ROBO1: variants seen among roughly 807,000 people sequenced by gnomAD.
The protein encoded by ROBO1 is roundabout guidance receptor 1.
A neutral mutation model predicts 195.9 loss-of-function variants in ROBO1; 149 were observed. That is an observed-to-expected ratio of 0.76 (90% CI 0.67 to 0.87). The LOEUF (loss-of-function observed/expected upper bound fraction) is 0.87. Ranked by LOEUF, ROBO1 falls within the 40% of genes least tolerant of loss-of-function variation. The probability of loss-of-function intolerance (pLI) is 0.00; values close to 1 mark genes in which losing one functional copy is unlikely to be tolerated. For synonymous variants in ROBO1, 816 were observed against 733.2 expected (o/e 1.11, Z -1.82); for missense variants, 1,933 against 2,068.3 (o/e 0.93, Z 1.27).
chr3:78,988,019 AC>A (rs1195595224), intron 3 of ROBO1, among the ~76,000 whole-genome samples: 1 of 152,176 alleles, frequency 6.6e-6, no homozygotes, highest in African/African-American at 2.4e-5. Context: ...TGTTTTCTAC[AC>A]GCAATGTATA....
At chr3:78,636,829 A>C (rs1705530127) in intron 22 of ROBO1, among the ~76,000 whole-genome samples, 1 of 150,442 alleles carries the variant, frequency 6.6e-6, no homozygotes, top group African/African-American at 2.4e-5. Flanking sequence ...ATAAGCCTGA[A>C]ATAATACTTA....
At chr3:78,917,974 T>C (rs1223012794) in intron 4 of ROBO1, among the ~76,000 whole-genome samples, 1 of 152,160 alleles carries the variant, frequency 6.6e-6, no homozygotes, top group African/African-American at 2.4e-5. Flanking sequence ...AGAACCTACA[T>C]TGTTTGTGAT....
Position 78,804,363 on chromosome 3 carries a change from C to T in ROBO1, c.500-57463G>A, listed in dbSNP as rs147099839. Among the ~76,000 whole-genome samples, 436 of 152,142 alleles carry T rather than the reference C, an allele frequency of 2.9e-3. 3 individuals carry two copies. The highest frequency in any genetic ancestry group is 9.9e-3 in the African/African-American group (411 of 41,534). Reference sequence around the variant, plus strand: ...CTTTCTATATTAAAATGGAGTTAAGCTACCCTCATTTCTCAAGCGTTTTAG... The same window carrying T: ...CTTTCTATATTAAAATGGAGTTAAGTTACCCTCATTTCTCAAGCGTTTTAG... On this transcript the variant is annotated intron_variant, in intron 4 of 30. Coordinates refer to ENST00000464233, the MANE Select transcript of ROBO1 (RefSeq NM_002941.4).
chr3:79,511,933 G>A (rs1348143730), intron 2 of ROBO1, among the ~76,000 whole-genome samples: 1 of 152,150 alleles, frequency 6.6e-6, no homozygotes, highest in Non-Finnish European at 1.5e-5. Flanking sequence ...GGTAAAAGGT[G>A]AGAGGAGGGA....
chr3:79,257,596 T>C (rs974772050), intron 2 of ROBO1, among the ~76,000 whole-genome samples: 1 of 152,112 alleles, frequency 6.6e-6, no homozygotes, highest in African/African-American at 2.4e-5. Context: ...GTTGGGGTTG[T>C]TCACATTCCA....
chr3:79,601,195 A>G (rs1312756322), intron 1 of ROBO1, among the ~76,000 whole-genome samples: 1 of 152,000 alleles, frequency 6.6e-6, no homozygotes, highest in Non-Finnish European at 1.5e-5. Context: ...GGAGAAGGAA[A>G]TTCTAAACGA....
chr3:79,553,135 G>A (rs1942580107), intron 2 of ROBO1, among the ~76,000 whole-genome samples: 1 of 151,948 alleles, frequency 6.6e-6, no homozygotes, highest in African/African-American at 2.4e-5. Flanking sequence ...ACATTTGCAT[G>A]CATTCAAGAT....
chr3:79,251,857 G>A (rs2082735929), intron 2 of ROBO1, among the ~76,000 whole-genome samples: 1 of 152,120 alleles, frequency 6.6e-6, no homozygotes, highest in Non-Finnish European at 1.5e-5. Context: ...GGCTGAGGGA[G>A]GAGAATCCCT....
intron 2 of ROBO1, among the ~76,000 whole-genome samples, chr3:79,369,679 T>C (rs80137381): frequency 6.2e-5 from 9 of 146,000 alleles, no homozygotes; most frequent in Non-Finnish European, 7.6e-5. Flanking sequence ...GGCTTCTTTC[T>C]TTTTTTTTTT....
intron 4 of ROBO1, among the ~76,000 whole-genome samples, chr3:78,846,785 G>T (rs904635970): frequency 6.6e-6 from 1 of 152,096 alleles, no homozygotes; most frequent in African/African-American, 2.4e-5. Flanking sequence ...TTCATTTAAA[G>T]TATATAAGTG....
At chr3:78,968,433 T>C (rs997391526) in intron 3 of ROBO1, among the ~76,000 whole-genome samples, 1 of 151,950 alleles carries the variant, frequency 6.6e-6, no homozygotes, top group African/African-American at 2.4e-5. Context: ...ATGGTGAAAT[T>C]AGCAAGCCCA....
intron 2 of ROBO1, among the ~76,000 whole-genome samples, chr3:79,578,781 T>C (rs1360666271): frequency 6.6e-6 from 1 of 152,172 alleles, no homozygotes; most frequent in Admixed American, 6.5e-5. Context: ...AATGAACAGG[T>C]TTCTGAACCT....
chr3:78,841,485 T>A (rs1327218627), intron 4 of ROBO1, among the ~76,000 whole-genome samples: 1 of 152,182 alleles, frequency 6.6e-6, no homozygotes, highest in Non-Finnish European at 1.5e-5. Flanking sequence ...GCAGAGCAGT[T>A]ACAGTGCCCA....
chr3:79,363,404 T>C (rs2035846174), intron 2 of ROBO1, among the ~76,000 whole-genome samples: 2 of 152,156 alleles, frequency 1.3e-5, no homozygotes, highest in African/African-American at 2.4e-5. Flanking sequence ...TCCATATAGG[T>C]TTAAATTATT....
intron 3 of ROBO1, among the ~76,000 whole-genome samples, chr3:78,946,849 C>CA (rs993825817): frequency 2.0e-5 from 3 of 151,498 alleles, no homozygotes; most frequent in Non-Finnish European, 4.4e-5. Flanking sequence ...AAATGGAAAA[C>CA]AAAAAAAGGC....
At chr3:78,900,018 C>A (rs571562583) in intron 4 of ROBO1, among the ~76,000 whole-genome samples, 1 of 152,120 alleles carries the variant, frequency 6.6e-6, no homozygotes, top group Non-Finnish European at 1.5e-5. Context: ...GTCAGAAAAG[C>A]CTTTGGGGCT....
At chr3:79,760,520 C>T (rs1254503118) in intron 1 of ROBO1, among the ~76,000 whole-genome samples, 1 of 132,030 alleles carries the variant, frequency 7.6e-6, no homozygotes, top group Admixed American at 7.7e-5. Context: ...AAAATAGAAT[C>T]CAGGATATAT....
chr3:79,277,105 T>C (rs977481868), intron 2 of ROBO1, among the ~76,000 whole-genome samples: 1 of 152,022 alleles, frequency 6.6e-6, no homozygotes, highest in African/African-American at 2.4e-5. Flanking sequence ...GATGCAGCAA[T>C]CTCACTGGTA....
intron 4 of ROBO1, among the ~76,000 whole-genome samples, chr3:78,870,526 T>C (rs563021679): frequency 6.6e-6 from 1 of 152,180 alleles, no homozygotes; most frequent in African/African-American, 2.4e-5. Flanking sequence ...AGGGAAGAAA[T>C]GATTCTTACA....
Sources: allele counts gnomAD v4.1 joint callset (sites outside exome capture counted in the v4.1 genomes callset), GRCh38; gene constraint gnomAD v4.1.1; transcripts MANE v1.5; gene names NCBI Gene and HGNC (gene_info 2026-07-23, HGNC 2026-07-21).